The following MED25 variants were observed in gnomAD, a reference collection of about 807,000 sequenced individuals.
MED25 encodes the protein mediator complex subunit 25, also known as mediator of RNA polymerase II transcription subunit 25.
In MED25, 62 loss-of-function variants were observed where a neutral mutation model predicts 89.4. That is an observed-to-expected ratio of 0.69 (90% CI 0.57 to 0.86). The LOEUF is 0.86. MED25 is among the 40% of genes least tolerant of loss of function. The pLI, the probability that MED25 is intolerant of heterozygous loss-of-function variation, is 0.00. For missense variants in MED25, 905 were observed against 1,005.2 expected (o/e 0.90, Z 1.35); for synonymous variants, 449 against 427.9 (o/e 1.05, Z -0.61).
Position 49,835,784 on chromosome 19 carries a change from A to C in MED25, c.1804A>C (p.Thr602Pro). Residue 602 changes from threonine to proline, a missense_variant, in exon 16 of 18, where the codon ACG becomes CCG. Transcript: ENST00000312865. The surrounding 1 kb of genome is among the most constrained non-coding windows in gnomAD (Gnocchi z 6.2). ...PQGTVGASGA[T>P]GQPQPQGTAQ... Reference sequence around the variant, plus strand: ...GGGTACCGTAGGGGCCTCTGGGGCCACGGGGCAGCCCCAGCCCCAAGGTAC... The same window carrying C: ...GGGTACCGTAGGGGCCTCTGGGGCCCCGGGGCAGCCCCAGCCCCAAGGTAC... 1 of 1,605,622 alleles carries C rather than the reference A, an allele frequency of 6.2e-7. No homozygotes were observed. The highest frequency in any genetic ancestry group is 8.5e-7 in the Non-Finnish European group (1 of 1,174,244).
In MED25 at chr19:49,836,970, T is replaced by G; in HGVS notation, c.*26T>G. ...ATCCCCAACACCCAATAAAGTTCCT[T>G]TTTAACACACGCCCCGGCTCCCGTC... On this transcript the variant is annotated 3_prime_UTR_variant, in exon 18 of 18. Coordinates refer to ENST00000312865, the MANE Select transcript of MED25 (RefSeq NM_030973.4). This position sits in a 1 kb window ranked among gnomAD's most constrained non-coding sequence, Gnocchi z 5.1. 6.4e-7 allele frequency: 1 copy of G among 1,574,274 alleles called. No homozygotes were observed. Among genetic ancestry groups the G allele is most frequent in the Non-Finnish European group, 8.7e-7 (1 of 1,147,722 alleles).
chr19:49,839,082 T>C (rs1284025461), downstream of MED25: 4 of 295,162 alleles, frequency 1.4e-5, no homozygotes, highest in East Asian at 9.1e-5. Flanking sequence ...TCAAATTGAT[T>C]GTGGCCTTTT....
downstream of MED25, chr19:49,839,212 GGACTAATTTTTTTTGTATATT>G (rs1265053006): frequency 1.1e-5 from 2 of 174,704 alleles, no homozygotes; most frequent in Non-Finnish European, 2.5e-5. Flanking sequence ...CACTGGGAAA[GGACTAATTTTTTTTGTATATT>G]GAGAGAAAAG....
chr19:49,830,113 C>G lies in MED25; in HGVS notation c.714C>G (p.Pro238=), dbSNP rs748517568. Residue 238 remains proline, a synonymous_variant, in exon 7 of 18, where the codon CCC becomes CCG. Transcript: ENST00000312865. The surrounding 1 kb of genome is among the most constrained non-coding windows in gnomAD (Gnocchi z 4.6). ...TTGGGGGTGGCTCAGCCCCAGGCCC[C>G]CTCCAGTCAAAGCAGCCAGTCCCCC... ...LPVGGGSAPG[P]LQSKQPVPLP... is the part of the protein sequence containing the mutation. The G allele has an allele frequency of 6.2e-7, 1 of 1,609,040 alleles. No homozygotes were observed. The highest frequency in any genetic ancestry group is 1.3e-5 in the African/African-American group (1 of 74,856).
chr19:49,834,828 C>G lies in MED25; in HGVS notation c.1483-158C>G. The G allele has an allele frequency of 2.7e-6, 2 of 740,582 alleles. No individual in the cohort carries two copies. 45.9% of individuals were successfully genotyped at this position (740,582 alleles called of 1,614,324 possible). On this transcript the variant is annotated intron_variant, in intron 13 of 17. Coordinates refer to ENST00000312865, the MANE Select transcript of MED25 (RefSeq NM_030973.4). This position sits in a 1 kb window ranked among gnomAD's most constrained non-coding sequence, Gnocchi z 4.1. ...CCCTGAGCGCCTCAGTTTCTGTCTC[C>G]AGAGCAACCCATAGCACACCTGTTC...
At position 49,835,930 on chromosome 19, in the gene MED25, C is replaced by G; in HGVS notation, c.1950C>G (p.Leu650=). ...CCAACCCTCAGCTGCGAAGCCTCCT[C>G]CTCAACCCACCACCGGTGAGATGTT... The part of the protein sequence containing the change: ...PGANPQLRSL[L]LNPPPPQTGV... The change falls in exon 16 of 18, where the codon CTC becomes CTG. Residue 650 remains leucine (L), a synonymous_variant. Coordinates refer to ENST00000312865, the MANE Select transcript of MED25 (RefSeq NM_030973.4). The surrounding 1 kb of genome is among the most constrained non-coding windows in gnomAD (Gnocchi z 6.2). The G allele has an allele frequency of 6.2e-7, 1 of 1,612,940 alleles. No individual in the cohort carries two copies.
chr19:49,836,173 G>A lies in MED25; in HGVS notation c.1966-53G>A. ...CATCTCTGAGCAGTGTCTGTGTTGA[G>A]AGGTGGGGAGTCTCTACCAGGAGCC... On this transcript the variant is annotated intron_variant, in intron 16 of 17. Transcript: ENST00000312865. The surrounding 1 kb of genome is among the most constrained non-coding windows in gnomAD (Gnocchi z 5.1). 6.3e-7 allele frequency: 1 copy of A among 1,586,284 alleles called. No homozygotes were observed.
rs114706097 is a variant in MED25 at position 49,832,916 on chromosome 19, G to A, written c.1482+501G>A. 990 of 218,330 alleles carry A rather than the reference G, an allele frequency of 4.5e-3. 4 individuals are homozygous for A. Among genetic ancestry groups the A allele is most frequent in the African/African-American group, 0.021 (925 of 43,658 alleles). The allele number at this position is 218,330 out of a possible 1,614,324, so 13.5% of individuals were successfully genotyped here. A position where few individuals can be genotyped will look rare whatever the true frequency, so the allele number is the denominator to read the frequency against. ...TCGCTCCAGGGTCTTCCTCCATCCCGCAGCTGTCTTCCCTCTGTGTGTGTC... is the reference window on the plus strand; with the variant it reads ...TCGCTCCAGGGTCTTCCTCCATCCCACAGCTGTCTTCCCTCTGTGTGTGTC... On this transcript the variant is annotated intron_variant, in intron 13 of 17. Transcript: ENST00000312865.
At chr19:49,818,888 G>T in intron 2 of MED25, 1 of 579,230 alleles carries the variant, frequency 1.7e-6, no homozygotes, top group Non-Finnish European at 3.1e-6. Flanking sequence ...CTGGGCGTCT[G>T]GACTGCTGGG....
At chr19:49,828,672 G>A (rs1317203406) in intron 4 of MED25, 125 bp downstream of exon 4, 5 of 948,824 alleles carry the variant, frequency 5.3e-6, no homozygotes, top group Non-Finnish European at 6.7e-6. Context: ...CCCCAAGCAC[G>A]CTGAGCCAGG....
chr19:49,838,692 C>A (rs536298586), downstream of MED25: 8 of 456,660 alleles, frequency 1.8e-5, no homozygotes, highest in Non-Finnish European at 2.6e-5. Context: ...GCAAACAAAT[C>A]GTGTCTGTGT....
At chr19:49,823,609 TA>T (rs2073997708) in intron 3 of MED25, among the ~76,000 whole-genome samples, 1 of 152,174 alleles carries the variant, frequency 6.6e-6, no homozygotes, top group African/African-American at 2.4e-5. Flanking sequence ...CAAGGTTCAT[TA>T]AACAACACCT....
chr19:49,819,610 A>G (rs1385348288), intron 3 of MED25: 13 of 386,316 alleles, frequency 3.4e-5, no homozygotes, highest in Non-Finnish European at 5.4e-5. Flanking sequence ...GTGCTCAGCA[A>G]TGTTGCCATC....
chr19:49,838,272 G>A (rs575295983), downstream of MED25, among the ~76,000 whole-genome samples: 1 of 152,168 alleles, frequency 6.6e-6, no homozygotes, highest in Non-Finnish European at 1.5e-5. Context: ...TTACGAGTTA[G>A]TTGTAAAAAT....
Position 49,830,858 on chromosome 19 carries a change from C to T in MED25, c.1072C>T (p.Pro358Ser). 1 of 1,611,976 alleles carries T rather than the reference C, an allele frequency of 6.2e-7. No homozygotes were observed. The highest frequency in any genetic ancestry group is 1.1e-5 in the South Asian group (1 of 91,068). ...TGTGGCCCCTGGCTCCGGCCTGGCTCCCACGGCACAGCCCGGGGCACCGTC... is the reference window on the plus strand; with the variant it reads ...TGTGGCCCCTGGCTCCGGCCTGGCTTCCACGGCACAGCCCGGGGCACCGTC... ...STVAPGSGLAPTAQPGAPSMA... is the reference protein window; with the variant it reads ...STVAPGSGLASTAQPGAPSMA... Residue 358 changes from proline (P) to serine (S), a missense_variant, in exon 9 of 18, where the codon CCC (proline) becomes TCC (serine). Physicochemically the swap from Pro to Ser is moderately conservative, Grantham distance 74. Transcript: ENST00000312865. This position sits in a 1 kb window ranked among gnomAD's most constrained non-coding sequence, Gnocchi z 4.6.
intron 3 of MED25, among the ~76,000 whole-genome samples, chr19:49,822,253 ACT>A (rs1263491437): frequency 3.0e-5 from 4 of 132,944 alleles, no homozygotes; most frequent in African/African-American, 1.2e-4. Flanking sequence ...ACAGAGCAAG[ACT>A]CTGTCTCAAA....
Position 49,835,070 on chromosome 19 carries a change from A to T in MED25, c.1567A>T (p.Met523Leu), listed in dbSNP as rs1568625142. 1 of 1,614,062 alleles carries T rather than the reference A, an allele frequency of 6.2e-7. No homozygotes were observed. Among genetic ancestry groups the T allele is most frequent in the Non-Finnish European group, 8.5e-7 (1 of 1,180,008 alleles). The change falls in exon 14 of 18, where the codon ATG (methionine) becomes TTG (leucine). Residue 523 changes from methionine to leucine, a missense_variant. Transcript: ENST00000312865. This position sits in a 1 kb window ranked among gnomAD's most constrained non-coding sequence, Gnocchi z 6.2. ...GTACTCGTCCAAGAAGAAGATCTTC[A>T]TGGGCCTCATCCCCTACGACCAGAG... ...LLYSSKKKIFMGLIPYDQSGF... is the reference protein window; with the variant it reads ...LLYSSKKKIFLGLIPYDQSGF...
In MED25 at chr19:49,831,977, G is replaced by A; in HGVS notation, c.1272G>A (p.Thr424=). 6 of 1,614,044 alleles carry A rather than the reference G, an allele frequency of 3.7e-6. No homozygotes were observed. Among genetic ancestry groups the A allele is most frequent in the East Asian group, 4.5e-5 (2 of 44,856 alleles). Residue 424 remains threonine, a synonymous_variant, in exon 11 of 18, where the codon ACG becomes ACA. Coordinates refer to ENST00000312865, the MANE Select transcript of MED25 (RefSeq NM_030973.4). The surrounding 1 kb of genome is among the most constrained non-coding windows in gnomAD (Gnocchi z 5.0). ...PASVDANTKL[T]RSLPCQVYVN... ...CAGTGGATGCCAACACCAAGCTGAC[G>A]CGGTCACTGCCCTGCCAGGTCTACG...
In MED25 at chr19:49,835,484, C is replaced by T. The variant is rs1029759033; in HGVS notation, c.1675-50C>T. ...GGCACAGGCCCTCCCGCCTCAGATTCAGGATGCCACCACCCTCAGTTACTG... is the reference window on the plus strand; with the variant it reads ...GGCACAGGCCCTCCCGCCTCAGATTTAGGATGCCACCACCCTCAGTTACTG... On this transcript the variant is annotated intron_variant, in intron 14 of 17. Coordinates refer to ENST00000312865, the MANE Select transcript of MED25 (RefSeq NM_030973.4). The surrounding 1 kb of genome is among the most constrained non-coding windows in gnomAD (Gnocchi z 6.2). The T allele has an allele frequency of 1.3e-6, 2 of 1,488,780 alleles. No homozygotes were observed. Among genetic ancestry groups the T allele is most frequent in the South Asian group, 1.3e-5 (1 of 76,566 alleles). The allele number at this position is 1,488,780 out of a possible 1,614,324, so 92.2% of individuals were successfully genotyped here.
Sources: gnomAD v4.1 joint callset for allele counts (sites outside exome capture counted in the v4.1 genomes callset) on GRCh38, gnomAD v4.1.1 for gene constraint, Gnocchi (gnomAD v3.1) non-coding constraint, MANE v1.5 for transcripts, NCBI Gene and HGNC (gene_info 2026-07-23, HGNC 2026-07-21) for gene names.